Variants in SELENBP1 observed in about 807,000 individuals in gnomAD.
SELENBP1 encodes the protein selenium binding protein 1.
SELENBP1 carries 71 observed loss-of-function variants against 61.0 expected under a neutral mutation model. That is an observed-to-expected ratio of 1.16 (90% CI 0.96 to 1.42). The LOEUF is 1.42. Ranked by LOEUF, SELENBP1 falls within the 40% of genes most tolerant of loss-of-function variation. SELENBP1 has a pLI of 0.00. For missense variants in SELENBP1, 561 were observed against 605.0 expected (o/e 0.93, Z 0.76); for synonymous variants, 270 against 238.9 (o/e 1.13, Z -1.20).
intron 1 of SELENBP1, among the ~76,000 whole-genome samples, chr1:151,372,171 C>T (rs1243926891): frequency 6.6e-6 from 1 of 151,790 alleles, no homozygotes; most frequent in Admixed American, 6.6e-5. Flanking sequence ...TGATTTCCCT[C>T]CCAGAGAGCT....
intron 5 of SELENBP1, among the ~76,000 whole-genome samples, chr1:151,367,960 C>A (rs542693278): frequency 6.6e-6 from 1 of 152,356 alleles, no homozygotes; most frequent in East Asian, 1.9e-4. Context: ...AGGCACAACA[C>A]CTGGCCTGTT....
At position 151,364,977 on chromosome 1, in the gene SELENBP1, G is replaced by A. The variant is rs767127018; in HGVS notation, c.1205C>T (p.Thr402Ile). ...GTCCCAGGCACTGTACAGCGACGTG[G>A]TGATGTAGAGGCGCTTCCCATCCAG... ...LSLDGKRLYI[T>I]TSLYSAWDKQ... Residue 402 changes from threonine to isoleucine, a missense_variant, in exon 11 of 12, where the codon ACC becomes ATC. Transcript: ENST00000368868. 1.9e-6 allele frequency: 3 copies of A among 1,613,798 alleles called. No individual in the cohort carries two copies. The highest frequency in any genetic ancestry group is 2.5e-6 in the Non-Finnish European group (3 of 1,179,924).
intron 2 of SELENBP1, 28 bp from the exon 3 acceptor site, chr1:151,369,582 A>C: frequency 6.3e-7 from 1 of 1,582,336 alleles, no homozygotes; most frequent in Non-Finnish European, 8.6e-7. Flanking sequence ...GGCAGCAGGG[A>C]CGGCAGGGTG....
At chr1:151,367,759 G>T (rs2102095837) in intron 5 of SELENBP1, among the ~76,000 whole-genome samples, 1 of 152,258 alleles carries the variant, frequency 6.6e-6, no homozygotes, top group African/African-American at 2.4e-5. Context: ...GAGAAGTGGG[G>T]GTTATAGGCC....
intron 5 of SELENBP1, chr1:151,367,477 CCT>C (rs10532452): frequency 0.59 from 86,521 of 147,698 alleles, 25,267 homozygotes; most frequent in Non-Finnish European, 0.66. Flanking sequence ...CGCCAGTGCC[CCT>C]GTCTCCTGTC....
In SELENBP1 at chr1:151,365,791, C is replaced by T. The variant is rs757948741; in HGVS notation, c.899G>A (p.Gly300Asp). The change falls in exon 8 of 12, where the codon GGC (glycine) becomes GAC (aspartate). Residue 300 changes from glycine to aspartate, a missense_variant. Gly to Asp is a moderately conservative substitution (Grantham distance 94). Transcript: ENST00000368868. ...VIQVPPKKVK[G>D]WLLPEMPGLI... ...ACCTGGCATTTCGGGCAGCAGCCAGCCCTTCACTTTCTTGGGGGGCACCTG... is the reference window on the plus strand; with the variant it reads ...ACCTGGCATTTCGGGCAGCAGCCAGTCCTTCACTTTCTTGGGGGGCACCTG... 6 of 1,614,082 alleles carry T rather than the reference C, an allele frequency of 3.7e-6. No individual in the cohort carries two copies. The East Asian group carries it at 1.3e-4, about 36-fold the overall frequency.
chr1:151,369,372 G>T, intron 3 of SELENBP1, 70 bp downstream of exon 3: 3 of 1,470,622 alleles, frequency 2.0e-6, no homozygotes, highest in Non-Finnish European at 2.8e-6. Context: ...GAGCTGGGAA[G>T]GGGGGGCCCA....
rs535315631 is a variant in SELENBP1, at chr1:151,364,710, T to C, written c.1257-5A>G. On this transcript the variant is annotated splice_polypyrimidine_tract_variant and splice_region_variant and intron_variant, in intron 11 of 11. Coordinates refer to ENST00000368868, the MANE Select transcript of SELENBP1 (RefSeq NM_003944.4). ...TGCAGCATCACAGAGCCTTCCCTGG[T>C]GGAAAAGGGAATGGGGTAAGGGAGA... The C allele has an allele frequency of 6.4e-7, 1 of 1,572,026 alleles. No individual in the cohort carries two copies. The highest frequency in any genetic ancestry group is 1.2e-5 in the South Asian group (1 of 84,084).
intron 10 of SELENBP1, 61 bp from the exon 11 acceptor site, chr1:151,365,105 C>T: frequency 6.3e-7 from 1 of 1,584,962 alleles, no homozygotes; most frequent in Non-Finnish European, 8.6e-7. Flanking sequence ...CCACCCCAAC[C>T]CCAAGAGTAT....
At position 151,369,101 on chromosome 1, in the gene SELENBP1, G is replaced by A; in HGVS notation, c.263C>T (p.Thr88Ile). 1.2e-6 allele frequency: 2 copies of A among 1,614,050 alleles called. No individual in the cohort carries two copies. The highest frequency in any genetic ancestry group is 1.1e-5 in the South Asian group (1 of 91,088). Reference protein sequence around the residue: ...NTCSSCFGDSTKSRTKLVLPS... With the variant: ...NTCSSCFGDSIKSRTKLVLPS... ...CAGCACCAGCTTGGTGCGCGACTTG[G>A]TGCTATCACCGAAGCAGCTGCTGCA... The change falls in exon 4 of 12, where the codon ACC becomes ATC. Residue 88 changes from threonine to isoleucine, a missense_variant. Thr to Ile is a moderately conservative substitution (Grantham distance 89, BLOSUM62 -1). Coordinates refer to ENST00000368868, the MANE Select transcript of SELENBP1 (RefSeq NM_003944.4).
intron 4 of SELENBP1, 152 bp from the exon 5 acceptor site, chr1:151,368,471 C>T: frequency 3.4e-6 from 4 of 1,178,962 alleles, no homozygotes; most frequent in Non-Finnish European, 4.7e-6. Flanking sequence ...GACAAAGATT[C>T]AGTCTGGTAA....
rs752623236 is a variant in SELENBP1, at chr1:151,368,269, G to T, written c.411C>A (p.His137Gln). 11 of 1,614,232 alleles carry T rather than the reference G, an allele frequency of 6.8e-6. No individual in the cohort carries two copies. The East Asian group carries it at 2.5e-4, about 36-fold the overall frequency. Residue 137 changes from histidine to glutamine, a missense_variant, in exon 5 of 12, where the codon CAC (histidine) becomes CAA (glutamine). Physicochemically the swap from His to Gln is conservative, Grantham distance 24. Transcript: ENST00000368868. ...IHAKCELAFL[H>Q]TSHCLASGEV... Reference sequence around the variant, plus strand: ...CCCCGCTGGCCAGGCAGTGGCTGGTGTGGAGAAAGGCCAGTTCGCACTTGG... The same window carrying T: ...CCCCGCTGGCCAGGCAGTGGCTGGTTTGGAGAAAGGCCAGTTCGCACTTGG...
At chr1:151,366,173 T>C in intron 7 of SELENBP1, 102 bp downstream of exon 7, 1 of 1,402,504 alleles carries the variant, frequency 7.1e-7, no homozygotes, top group Non-Finnish European at 9.7e-7. Context: ...AGCCTCATTT[T>C]TTTCGTTCCT....
At chr1:151,366,107 A>G (rs1324389456) in intron 7 of SELENBP1, 168 bp downstream of exon 7, 7 of 836,454 alleles carry the variant, frequency 8.4e-6, no homozygotes, top group Non-Finnish European at 1.3e-5. Flanking sequence ...AAATACGGCC[A>G]GTTAGGGTTC....
chr1:151,369,850 C>A (rs962092982), intron 1 of SELENBP1, 81 bp from the exon 2 acceptor site: 1 of 1,551,506 alleles, frequency 6.4e-7, no homozygotes, highest in Non-Finnish European at 8.7e-7. Flanking sequence ...AGCACACATC[C>A]CAGCGGGCCA....
intron 1 of SELENBP1, chr1:151,370,139 G>A (rs572770225): frequency 2.0e-5 from 12 of 586,918 alleles, no homozygotes; most frequent in Middle Eastern, 4.9e-4. Context: ...GAAGCTCCTC[G>A]ACCTCAATTT....
intron 1 of SELENBP1, 56 bp from the exon 2 acceptor site, chr1:151,369,825 C>A: frequency 6.4e-7 from 1 of 1,551,714 alleles, no homozygotes; most frequent in Non-Finnish European, 8.7e-7. Context: ...TGAAGGCTCC[C>A]TCCGCACGTT....
chr1:151,367,658 T>C (rs1004686511), intron 5 of SELENBP1, among the ~76,000 whole-genome samples: 1 of 152,234 alleles, frequency 6.6e-6, no homozygotes, highest in Non-Finnish European at 1.5e-5. Flanking sequence ...GGTCTCACTC[T>C]GACGCCCAAG....
intron 5 of SELENBP1, among the ~76,000 whole-genome samples, chr1:151,367,600 C>A (rs577614157): frequency 6.6e-6 from 1 of 152,104 alleles, no homozygotes; most frequent in African/African-American, 2.4e-5. Flanking sequence ...AGTGGGATTC[C>A]TCCCAGAGTC....
Sources: gnomAD v4.1 joint callset for allele counts (sites outside exome capture counted in the v4.1 genomes callset) on GRCh38, gnomAD v4.1.1 for gene constraint, MANE v1.5 for transcripts, NCBI Gene and HGNC (gene_info 2026-07-23, HGNC 2026-07-21) for gene names.